The following CCDC81 variants were observed in gnomAD, a reference collection of about 807,000 sequenced individuals.
CCDC81 encodes the protein coiled-coil domain containing 81.
Under a neutral mutation model 83.7 loss-of-function variants are expected in CCDC81, and 79 were observed. The observed-to-expected ratio is 0.94, with a 90% confidence interval of 0.79 to 1.14. The LOEUF is 1.14. Among genes scored for constraint, CCDC81 ranks in the 50% most tolerant of loss-of-function variants. CCDC81 has a pLI of 0.00. For missense variants in CCDC81, 791 were observed against 778.1 expected, an observed-to-expected ratio of 1.02 and a Z score of -0.20; for synonymous variants, 252 against 278.1, an observed-to-expected ratio of 0.91 and a Z score of 0.93.
intron 5 of CCDC81, 75 bp downstream of exon 5, chr11:86,395,488 T>C: frequency 8.8e-7 from 1 of 1,137,490 alleles, no homozygotes; most frequent in Non-Finnish European, 1.3e-6. Context: ...TGGGCAGTGT[T>C]TCTCAATGTT....
chr11:86,422,441 T>G, intron 14 of CCDC81, 133 bp from the exon 15 acceptor site: 1 of 699,920 alleles, frequency 1.4e-6, no homozygotes, highest in Non-Finnish European at 2.3e-6. Flanking sequence ...CAGGATGGGG[T>G]GAACTGCAGC....
In CCDC81 at chr11:86,407,682, A is replaced by T. The variant is rs1394978684; in HGVS notation, c.950A>T (p.Asp317Val). ...MKPQTSPACQ[D>V]HNKAGQEMCY... ...CCCCAAACATCTCCAGCTTGCCAGG[A>T]TCATAACAAGGCAGGACAGGTACAG... Residue 317 changes from aspartate (D) to valine (V), a missense_variant, in exon 8 of 15, where the codon GAT (aspartate) becomes GTT (valine). Coordinates refer to ENST00000445632, the MANE Select transcript of CCDC81 (RefSeq NM_001156474.2). 2.5e-6 allele frequency: 4 copies of T among 1,613,514 alleles called. No individual in the cohort carries two copies. The Admixed American group carries it at 5.0e-5, about 20-fold the overall frequency.
rs1375348322 is a variant in CCDC81, at chr11:86,375,082, G to C, written c.-82G>C. The C allele has an allele frequency of 3.4e-5, 43 of 1,261,550 alleles. No homozygotes were observed. The highest frequency in any genetic ancestry group is 5.0e-5 in the Non-Finnish European group (43 of 860,836). 78.1% of individuals were successfully genotyped at this position (1,261,550 alleles called of 1,614,324 possible). ...TCCGTGGAGAAGGGGCTGGAGGGTG[G>C]GAAAATTATTTTTGTGCACATTCCA... On this transcript the variant is annotated 5_prime_UTR_variant, in exon 1 of 15. Transcript: ENST00000445632.
chr11:86,410,092 T>G (rs1948621262), intron 10 of CCDC81, among the ~76,000 whole-genome samples: 1 of 152,210 alleles, frequency 6.6e-6, no homozygotes, highest in Non-Finnish European at 1.5e-5. Context: ...AGGTGATTTG[T>G]ATTTGCATTA....
intron 13 of CCDC81, among the ~76,000 whole-genome samples, chr11:86,416,143 T>C (rs994165084): frequency 3.3e-5 from 5 of 152,264 alleles, no homozygotes; most frequent in Admixed American, 3.3e-4. Context: ...AATCTTTTGC[T>C]TATTTTATAA....
chr11:86,415,221 G>T lies in CCDC81; in HGVS notation c.1599G>T (p.Leu533=), dbSNP rs757806802. The T allele has an allele frequency of 5.0e-6, 8 of 1,614,062 alleles. No individual in the cohort carries two copies. The African/African-American group carries it at 9.3e-5, about 19-fold the overall frequency. Reference sequence around the variant, plus strand: ...AACAAAATTACATGAAACACCAGCTGGAGGCAGCTGCTAACCACAAGAGGA... The same window carrying T: ...AACAAAATTACATGAAACACCAGCTTGAGGCAGCTGCTAACCACAAGAGGA... ...KREQNYMKHQ[L]EAAANHKRKA... Residue 533 remains leucine, a synonymous_variant, in exon 13 of 15, where the codon CTG becomes CTT. Coordinates refer to ENST00000445632, the MANE Select transcript of CCDC81 (RefSeq NM_001156474.2).
At chr11:86,386,629 G>A (rs915324959) in intron 2 of CCDC81, among the ~76,000 whole-genome samples, 3 of 152,134 alleles carry the variant, frequency 2.0e-5, no homozygotes, top group Non-Finnish European at 4.4e-5. Context: ...GGGGAAGCTG[G>A]GAAGTTGTGG....
intron 6 of CCDC81, 46 bp downstream of exon 6, chr11:86,397,788 T>G (rs374610019): frequency 1.3e-4 from 208 of 1,588,330 alleles, no homozygotes; most frequent in Non-Finnish European, 1.7e-4. Context: ...TTTACTGCTA[T>G]GAGCCCAGCC....
chr11:86,399,280 G>A (rs1948450864), intron 6 of CCDC81, among the ~76,000 whole-genome samples: 1 of 152,078 alleles, frequency 6.6e-6, no homozygotes. Context: ...ATCTCCCACT[G>A]TGCCCTATAG....
chr11:86,400,542 C>A, intron 6 of CCDC81, 136 bp from the exon 7 acceptor site: 2 of 876,714 alleles, frequency 2.3e-6, no homozygotes, highest in South Asian at 2.5e-5. Context: ...TTTTTTTATA[C>A]CACAATAGAA....
chr11:86,386,608 G>T (rs1334702935), intron 2 of CCDC81, among the ~76,000 whole-genome samples: 1 of 152,188 alleles, frequency 6.6e-6, no homozygotes, highest in East Asian at 1.9e-4. Flanking sequence ...AGAGATTTGG[G>T]GATGAGCTTG....
chr11:86,393,566 T>C (rs2138511616), intron 4 of CCDC81, among the ~76,000 whole-genome samples: 1 of 152,350 alleles, frequency 6.6e-6, no homozygotes, highest in South Asian at 2.1e-4. Flanking sequence ...CTATTTTATT[T>C]TTTAATGTTG....
chr11:86,393,731 T>C (rs1432750296), intron 4 of CCDC81, among the ~76,000 whole-genome samples: 1 of 152,228 alleles, frequency 6.6e-6, no homozygotes, highest in Admixed American at 6.5e-5. Flanking sequence ...GTGACCTTCA[T>C]GCTAAGTTGG....
intron 1 of CCDC81, among the ~76,000 whole-genome samples, chr11:86,377,832 C>A (rs954332440): frequency 6.6e-6 from 1 of 152,010 alleles, no homozygotes; most frequent in Non-Finnish European, 1.5e-5. Flanking sequence ...TCTAAAAAGT[C>A]ATTGCTATAC....
chr11:86,415,818 C>G, intron 13 of CCDC81, among the ~76,000 whole-genome samples: 1 of 152,098 alleles, frequency 6.6e-6, no homozygotes, highest in East Asian at 1.9e-4. Context: ...GGACTATAGG[C>G]GAGTGCCAGC....
intron 3 of CCDC81, 71 bp downstream of exon 3, chr11:86,387,743 G>A (rs1565759272): frequency 5.6e-6 from 6 of 1,079,732 alleles, no homozygotes; most frequent in Middle Eastern, 4.5e-4. Flanking sequence ...AAAGGGCAAA[G>A]CGTAGCCAGT....
intron 6 of CCDC81, 54 bp from the exon 7 acceptor site, chr11:86,400,620 CAGTT>C: frequency 6.6e-7 from 1 of 1,520,738 alleles, no homozygotes; most frequent in Non-Finnish European, 9.0e-7. Flanking sequence ...AAAAACTACA[CAGTT>C]AGTGGTTTGA....
At chr11:86,387,864 C>T (rs982716226) in intron 3 of CCDC81, among the ~76,000 whole-genome samples, 192 bp downstream of exon 3, 5 of 152,100 alleles carry the variant, frequency 3.3e-5, no homozygotes, top group African/African-American at 9.7e-5. Flanking sequence ...CCATTTTAAA[C>T]CCCAGTAACC....
chr11:86,418,184 C>T (rs1417629943), intron 13 of CCDC81, among the ~76,000 whole-genome samples: 2 of 152,094 alleles, frequency 1.3e-5, no homozygotes, highest in African/African-American at 4.8e-5. Flanking sequence ...CATGTCACAT[C>T]CATCAGGATA....
Sources: gnomAD v4.1 joint callset for allele counts (sites outside exome capture counted in the v4.1 genomes callset) on GRCh38, gnomAD v4.1.1 for gene constraint, MANE v1.5 for transcripts, NCBI Gene and HGNC (gene_info 2026-07-23, HGNC 2026-07-21) for gene names.